Variants in TNNI3K observed in about 807,000 individuals in gnomAD.
TNNI3K encodes serine/threonine-protein kinase TNNI3K.
In TNNI3K, 140 loss-of-function variants were observed where a neutral mutation model predicts 114.5. That is an observed-to-expected ratio of 1.22 (90% CI 1.07 to 1.41). TNNI3K has a LOEUF of 1.41. Among genes scored for constraint, TNNI3K ranks in the 40% most tolerant of loss-of-function variants. TNNI3K has a pLI of 0.00. For missense variants in TNNI3K, 1,125 were observed against 1,007.6 expected (o/e 1.12, Z -1.58); for synonymous variants, 347 against 347.5 (o/e 1.00, Z 0.02).
intron 2 of TNNI3K, among the ~76,000 whole-genome samples, chr1:74,247,295 C>T (rs12094894): frequency 0.033 from 5,001 of 152,136 alleles, 250 homozygotes; most frequent in African/African-American, 0.11. Context: ...GTTTGTTCCT[C>T]CCGTCCGGAG....
intron 7 of TNNI3K, among the ~76,000 whole-genome samples, chr1:74,336,633 G>A (rs1178147721): frequency 6.6e-6 from 1 of 151,626 alleles, no homozygotes; most frequent in African/African-American, 2.4e-5. Context: ...AGTTTACTGA[G>A]AATGATGATT....
At chr1:74,359,767 A>T (rs1287064277) in intron 11 of TNNI3K, among the ~76,000 whole-genome samples, 1 of 151,992 alleles carries the variant, frequency 6.6e-6, no homozygotes, top group East Asian at 1.9e-4. Context: ...AATGTCAAAG[A>T]ATTTGTGATC....
chr1:74,278,200 G>C (rs1269162814), intron 5 of TNNI3K, among the ~76,000 whole-genome samples: 2 of 152,130 alleles, frequency 1.3e-5, no homozygotes, highest in Non-Finnish European at 1.5e-5. Flanking sequence ...ACAGTAGCAA[G>C]TCTGCCCCAA....
intron 20 of TNNI3K, among the ~76,000 whole-genome samples, chr1:74,450,456 A>T (rs1666937984): frequency 6.6e-6 from 1 of 152,040 alleles, no homozygotes; most frequent in African/African-American, 2.4e-5. Context: ...AGCTATCGTC[A>T]GAGTGAGCAG....
chr1:74,468,862 G>A (rs1204094311), intron 21 of TNNI3K: 2 of 151,768 alleles, frequency 1.3e-5, no homozygotes, highest in African/African-American at 2.4e-5. Context: ...TTTTACAGTG[G>A]TCTCAATAAT....
chr1:74,364,868 A>T (rs990616582), intron 11 of TNNI3K, among the ~76,000 whole-genome samples: 5 of 152,080 alleles, frequency 3.3e-5, no homozygotes, highest in African/African-American at 1.2e-4. Context: ...CTAGAAAGAA[A>T]TGCAGTCCTG....
intron 11 of TNNI3K, among the ~76,000 whole-genome samples, chr1:74,358,865 G>T (rs1390839677): frequency 5.3e-5 from 8 of 151,946 alleles, no homozygotes; most frequent in Admixed American, 5.3e-4. Context: ...AATAACGTAA[G>T]AATTCACATA....
rs763718734 is a variant in TNNI3K, at chr1:74,463,481, T to A, written c.2052T>A (p.Pro684=). 1.1e-5 allele frequency: 17 copies of A among 1,614,198 alleles called. No homozygotes were observed. Among genetic ancestry groups the A allele is most frequent in the Non-Finnish European group, 1.4e-5 (17 of 1,180,030 alleles). Residue 684 remains proline (P), a synonymous_variant, in exon 21 of 25, where the codon CCT becomes CCA. Coordinates refer to ENST00000326637, the MANE Select transcript of TNNI3K (RefSeq NM_015978.3). ...ACATGGCTTACCACCACATCAGACCTCCCATTGGCTATTCCATTCCCAAGC... is the reference window on the plus strand; with the variant it reads ...ACATGGCTTACCACCACATCAGACCACCCATTGGCTATTCCATTCCCAAGC... ...AADMAYHHIR[P]PIGYSIPKPI... is the part of the protein sequence containing the mutation.
chr1:74,406,378 C>T (rs1664613268), intron 17 of TNNI3K, among the ~76,000 whole-genome samples: 1 of 152,066 alleles, frequency 6.6e-6, no homozygotes, highest in African/African-American at 2.4e-5. Context: ...TTATATGTGG[C>T]CCAAGACAAT....
intron 23 of TNNI3K, among the ~76,000 whole-genome samples, chr1:74,509,339 A>G (rs556994684): frequency 4.6e-5 from 7 of 152,290 alleles, no homozygotes; most frequent in African/African-American, 1.7e-4. Context: ...GAGGGTTTCA[A>G]TTTTTCTCTA....
intron 17 of TNNI3K, among the ~76,000 whole-genome samples, chr1:74,435,207 C>G (rs1666067880): frequency 6.6e-6 from 1 of 151,988 alleles, no homozygotes; most frequent in African/African-American, 2.4e-5. Context: ...ATTAAATTTA[C>G]TAATTATGGG....
chr1:74,236,886 T>C (rs1261087309), intron 2 of TNNI3K, among the ~76,000 whole-genome samples: 1 of 151,760 alleles, frequency 6.6e-6, no homozygotes, highest in Non-Finnish European at 1.5e-5. Context: ...TAGATGCCCA[T>C]TAGAGGGTCA....
intron 17 of TNNI3K, among the ~76,000 whole-genome samples, chr1:74,402,877 T>C (rs893172985): frequency 2.0e-4 from 30 of 152,226 alleles, no homozygotes; most frequent in Admixed American, 1.8e-3. Flanking sequence ...GTTTTTATTT[T>C]TTTTTAGCTC....
chr1:74,532,608 A>G (rs950767105), intron 23 of TNNI3K, among the ~76,000 whole-genome samples: 4 of 151,764 alleles, frequency 2.6e-5, no homozygotes, highest in Admixed American at 2.6e-4. Flanking sequence ...TATATCTCCT[A>G]ATGCTATCCC....
At chr1:74,511,225 T>C (rs1187743941) in intron 23 of TNNI3K, among the ~76,000 whole-genome samples, 1 of 150,084 alleles carries the variant, frequency 6.7e-6, no homozygotes, top group Non-Finnish European at 1.5e-5. Flanking sequence ...GGAATTTCGC[T>C]CTTATTGCCC....
chr1:74,483,981 T>A (rs1668626362), intron 21 of TNNI3K, among the ~76,000 whole-genome samples: 2 of 152,124 alleles, frequency 1.3e-5, no homozygotes, highest in South Asian at 4.1e-4. Context: ...CTATATTATC[T>A]TAGAAAAAAA....
At chr1:74,300,329 CTATT>C (rs1182593870) in intron 5 of TNNI3K, among the ~76,000 whole-genome samples, 3 of 152,136 alleles carry the variant, frequency 2.0e-5, no homozygotes, top group Admixed American at 2.0e-4. Context: ...ATTTTACAGT[CTATT>C]TAAGTCATTG....
intron 4 of TNNI3K, among the ~76,000 whole-genome samples, chr1:74,266,491 A>G (rs1655997489): frequency 6.6e-6 from 1 of 151,952 alleles, no homozygotes. Context: ...GTTCAAGGGG[A>G]AGGGGCATAG....
Position 74,475,238 on chromosome 1 carries a change from T to C in TNNI3K, c.2121+11688T>C, listed in dbSNP as rs1046842466. 19 of 614,000 alleles carry C rather than the reference T, an allele frequency of 3.1e-5. No individual in the cohort carries two copies. The African/African-American group carries it at 3.2e-4, about 10-fold the overall frequency. 38.0% of individuals were successfully genotyped at this position (614,000 alleles called of 1,614,324 possible). A position where few individuals can be genotyped will look rare whatever the true frequency, so the allele number is the denominator to read the frequency against. ...GTTGAGGAAATTAAAGGAGGGAGGC[T>C]CCCTCCTTCAAAAAGAATTAAACGG... is the stretch of plus-strand genomic sequence containing the variant. On this transcript the variant is annotated intron_variant, in intron 21 of 24. Coordinates refer to ENST00000326637, the MANE Select transcript of TNNI3K (RefSeq NM_015978.3).
Sources: gnomAD v4.1 joint callset for allele counts (sites outside exome capture counted in the v4.1 genomes callset) on GRCh38, gnomAD v4.1.1 for gene constraint, MANE v1.5 for transcripts, NCBI Gene and HGNC (gene_info 2026-07-23, HGNC 2026-07-21) for gene names.